Variants in SLCO1A2 observed in about 807,000 individuals in gnomAD.
SLCO1A2 encodes the protein OATP-1.
Under a neutral mutation model 69.0 loss-of-function variants are expected in SLCO1A2, and 67 were observed. That is an observed-to-expected ratio of 0.97 (90% CI 0.80 to 1.19). SLCO1A2 has a LOEUF of 1.19. SLCO1A2 is among the 50% of genes most tolerant of loss of function. The pLI is 0.00. For missense variants in SLCO1A2, 787 were observed against 793.7 expected (o/e 0.99, Z 0.10); for synonymous variants, 260 against 265.9 (o/e 0.98, Z 0.22).
chr12:21,332,073 A>C (rs561399938), intron 2 of SLCO1A2, among the ~76,000 whole-genome samples: 307 of 152,250 alleles, frequency 2.0e-3, no homozygotes, highest in Non-Finnish European at 2.8e-3. Flanking sequence ...ACAGGTCTCA[A>C]TCAATTTAGA....
At chr12:21,369,741 T>G (rs560124890) in intron 2 of SLCO1A2, among the ~76,000 whole-genome samples, 1 of 152,312 alleles carries the variant, frequency 6.6e-6, no homozygotes, top group Admixed American at 6.5e-5. Context: ...TCTAATAAGC[T>G]CCCAGGTGAT....
At chr12:21,348,779 C>A (rs915705044) in intron 2 of SLCO1A2, among the ~76,000 whole-genome samples, 1 of 152,174 alleles carries the variant, frequency 6.6e-6, no homozygotes, top group Non-Finnish European at 1.5e-5. Context: ...GTCATACTAT[C>A]TTCCATGGAG....
intron 1 of SLCO1A2, among the ~76,000 whole-genome samples, chr12:21,381,913 A>C (rs895194369): frequency 1.8e-4 from 28 of 152,274 alleles, no homozygotes; most frequent in African/African-American, 6.8e-4. Context: ...CTGGAAAAGA[A>C]TATGGAGATT....
intron 1 of SLCO1A2, among the ~76,000 whole-genome samples, chr12:21,410,374 AAC>A (rs1408194788): frequency 1.3e-5 from 2 of 152,190 alleles, no homozygotes; most frequent in Non-Finnish European, 2.9e-5. Context: ...GGCTATATAT[AAC>A]TTGAGGGAAC....
intron 3 of SLCO1A2, among the ~76,000 whole-genome samples, chr12:21,315,106 A>G (rs1239395445): frequency 6.6e-6 from 1 of 152,218 alleles, no homozygotes; most frequent in Non-Finnish European, 1.5e-5. Flanking sequence ...TCCTATGCCC[A>G]GAAAGAGAAG....
At chr12:21,329,267 T>C (rs897970027) in intron 2 of SLCO1A2, among the ~76,000 whole-genome samples, 2 of 152,164 alleles carry the variant, frequency 1.3e-5, no homozygotes, top group African/African-American at 4.8e-5. Context: ...GTTTTAATAG[T>C]TACTTGGTTT....
At chr12:21,407,263 CA>C (rs1941836303) in intron 1 of SLCO1A2, among the ~76,000 whole-genome samples, 1 of 152,068 alleles carries the variant, frequency 6.6e-6, no homozygotes, top group Non-Finnish European at 1.5e-5. Flanking sequence ...TCAGCAAATG[CA>C]AAAGCCTTAG....
intron 4 of SLCO1A2, among the ~76,000 whole-genome samples, chr12:21,309,831 A>G (rs1949887991): frequency 6.6e-6 from 1 of 152,200 alleles, no homozygotes; most frequent in African/African-American, 2.4e-5. Context: ...ATAGCAATGC[A>G]GCAGGCCTAG....
intron 2 of SLCO1A2, among the ~76,000 whole-genome samples, chr12:21,372,481 A>G (rs947924597): frequency 2.6e-5 from 4 of 151,818 alleles, no homozygotes; most frequent in Admixed American, 2.0e-4. Context: ...TTATATCTCC[A>G]TTTATTCCTG....
At chr12:21,358,546 G>T (rs1021651870) in intron 2 of SLCO1A2, among the ~76,000 whole-genome samples, 1 of 151,912 alleles carries the variant, frequency 6.6e-6, no homozygotes, top group Admixed American at 6.6e-5. Context: ...TTATTTTATT[G>T]TATGCAAATA....
intron 2 of SLCO1A2, among the ~76,000 whole-genome samples, chr12:21,330,189 G>C (rs1468637235): frequency 6.6e-6 from 1 of 151,912 alleles, no homozygotes; most frequent in African/African-American, 2.4e-5. Flanking sequence ...CTGTTTCTTA[G>C]TTTCAACTAT....
rs545045033 is a variant in SLCO1A2, at chr12:21,299,755, C to T, written c.910+593G>A. ...AATCGGTTTTTTGAGCAAATGGGACCATATATATACGTGTGTATATATATA... is the reference window on the plus strand; with the variant it reads ...AATCGGTTTTTTGAGCAAATGGGACTATATATATACGTGTGTATATATATA... On this transcript the variant is annotated intron_variant, in intron 8 of 14. Coordinates refer to ENST00000683939, the MANE Select transcript of SLCO1A2 (RefSeq NM_001386879.1). Among the ~76,000 whole-genome samples the T allele has an allele frequency of 3.0e-5, 4 of 131,272 alleles. No individual in the cohort carries two copies. In the East Asian group the frequency reaches 9.3e-4, roughly 30 times the overall value. 86.1% of individuals were successfully genotyped at this position (131,272 alleles called of 152,430 possible). A position where few individuals can be genotyped will look rare whatever the true frequency, so the allele number is the denominator to read the frequency against.
At chr12:21,331,760 A>T (rs1287630383) in intron 2 of SLCO1A2, among the ~76,000 whole-genome samples, 1 of 152,160 alleles carries the variant, frequency 6.6e-6, no homozygotes, top group African/African-American at 2.4e-5. Flanking sequence ...TCCAGAAAGG[A>T]GTTGCCCACG....
At chr12:21,338,756 T>C (rs370385331), upstream of SLCO1A2, among the ~76,000 whole-genome samples, 2 of 152,058 alleles carry the variant, frequency 1.3e-5, no homozygotes, top group African/African-American at 4.8e-5. Flanking sequence ...TACGTGCCAA[T>C]ATATGGCATG....
chr12:21,338,460 C>T (rs980665874), upstream of SLCO1A2, among the ~76,000 whole-genome samples: 17 of 151,784 alleles, frequency 1.1e-4, no homozygotes, highest in Non-Finnish European at 1.9e-4. Flanking sequence ...TCCTTACTCC[C>T]GATGTTTCCT....
At chr12:21,402,931 A>G (rs1941753518) in intron 1 of SLCO1A2, among the ~76,000 whole-genome samples, 1 of 152,170 alleles carries the variant, frequency 6.6e-6, no homozygotes, top group Admixed American at 6.5e-5. Context: ...CTCCAGTAGA[A>G]TGTGTATATG....
At chr12:21,307,788 T>G (rs1949611060) in intron 4 of SLCO1A2, among the ~76,000 whole-genome samples, 1 of 152,230 alleles carries the variant, frequency 6.6e-6, no homozygotes, top group Non-Finnish European at 1.5e-5. Context: ...AAACTTGCCC[T>G]TCTGAGTTCT....
chr12:21,344,194 A>G (rs1247288708), intron 2 of SLCO1A2, among the ~76,000 whole-genome samples: 1 of 152,094 alleles, frequency 6.6e-6, no homozygotes. Context: ...CTATTAAAAA[A>G]CTATATTTCC....
chr12:21,372,673 A>C (rs754082457), intron 2 of SLCO1A2, among the ~76,000 whole-genome samples: 8 of 152,172 alleles, frequency 5.3e-5, no homozygotes, highest in Non-Finnish European at 1.2e-4. Flanking sequence ...GCAAATTCAA[A>C]CTTCTGCTGT....
Sources: gnomAD v4.1 joint callset for allele counts (sites outside exome capture counted in the v4.1 genomes callset) on GRCh38, gnomAD v4.1.1 for gene constraint, MANE v1.5 for transcripts, NCBI Gene and HGNC (gene_info 2026-07-23, HGNC 2026-07-21) for gene names.